Variants in ACTR5 observed in about 807,000 individuals in gnomAD.
ACTR5 encodes the protein actin related protein 5.
Under a neutral mutation model 61.2 loss-of-function variants are expected in ACTR5, and 43 were observed. That is an observed-to-expected ratio of 0.70 (90% confidence interval 0.55 to 0.91). The LOEUF (loss-of-function observed/expected upper bound fraction) is 0.91, where lower values mean the gene tolerates loss of function less well. Ranked by LOEUF, ACTR5 falls within the 40% of genes least tolerant of loss-of-function variation. ACTR5 has a pLI of 0.00. For missense variants in ACTR5, 798 were observed against 782.2 expected (o/e 1.02, Z -0.24); for synonymous variants, 333 against 310.5 (o/e 1.07, Z -0.76).
At chr20:38,756,814 G>C (rs867950577) in intron 5 of ACTR5, among the ~76,000 whole-genome samples, 5 of 152,222 alleles carry the variant, frequency 3.3e-5, no homozygotes, top group Non-Finnish European at 1.5e-5. Context: ...TGAGGCAGGA[G>C]AATCACTTGA....
At chr20:38,761,930 A>G (rs2084457294) in intron 5 of ACTR5, 1 of 152,252 alleles carries the variant, frequency 6.6e-6, no homozygotes, top group African/African-American at 2.4e-5. Flanking sequence ...AAGTAACCAC[A>G]GGATTGCCTA....
chr20:38,764,404 A>G (rs193069312), intron 5 of ACTR5, among the ~76,000 whole-genome samples: 3 of 152,364 alleles, frequency 2.0e-5, no homozygotes, highest in Admixed American at 2.0e-4. Context: ...GTCTAATGAC[A>G]GATGGCTAAA....
At chr20:38,766,434 G>A (rs2145676442) in intron 7 of ACTR5, 57 bp downstream of exon 7, 1 of 1,522,090 alleles carries the variant, frequency 6.6e-7, no homozygotes, top group Non-Finnish European at 8.8e-7. Flanking sequence ...CTTGGATTTT[G>A]CATTGAATGG....
At chr20:38,763,574 T>C (rs2084467600) in intron 5 of ACTR5, among the ~76,000 whole-genome samples, 1 of 152,248 alleles carries the variant, frequency 6.6e-6, no homozygotes, top group South Asian at 2.1e-4. Flanking sequence ...TCATGATTTA[T>C]AGAACTCCAG....
At chr20:38,766,431 T>G in intron 7 of ACTR5, 54 bp downstream of exon 7, 1 of 1,529,048 alleles carries the variant, frequency 6.5e-7, no homozygotes, top group South Asian at 1.3e-5. Context: ...TTCCTTGGAT[T>G]TTGCATTGAA....
chr20:38,752,851 G>C (rs761624042), intron 3 of ACTR5, among the ~76,000 whole-genome samples: 7 of 152,150 alleles, frequency 4.6e-5, no homozygotes, highest in Non-Finnish European at 1.0e-4. Flanking sequence ...GAATGGATTT[G>C]CTTGTTGTCA....
At chr20:38,771,419 C>G in intron 8 of ACTR5, 140 bp from the exon 9 acceptor site, 1 of 1,083,076 alleles carries the variant, frequency 9.2e-7, no homozygotes, top group Non-Finnish European at 1.3e-6. Context: ...GTGGAGCTAG[C>G]CCCGAACTGT....
chr20:38,758,684 T>G (rs1487562271), intron 5 of ACTR5, among the ~76,000 whole-genome samples: 2 of 151,944 alleles, frequency 1.3e-5, no homozygotes, highest in South Asian at 2.1e-4. Context: ...GTCAAAGCTT[T>G]AATGGTTAGT....
intron 1 of ACTR5, 38 bp downstream of exon 1, chr20:38,748,891 G>T: frequency 6.4e-7 from 1 of 1,567,572 alleles, no homozygotes. Context: ...CTGGGTTTGA[G>T]GGGAGGGGTG....
At chr20:38,766,915 T>A (rs1233758576) in intron 7 of ACTR5, among the ~76,000 whole-genome samples, 1 of 152,218 alleles carries the variant, frequency 6.6e-6, no homozygotes, top group Non-Finnish European at 1.5e-5. Flanking sequence ...CAGGGAAACT[T>A]GTACCTAGCA....
rs1450548014 is a variant in ACTR5 at position 38,748,510 on chromosome 20, C to T, written c.32C>T (p.Ala11Val). MAANVFPFRD[A>V]RAAPDPVLEA... ...GCGAACGTGTTCCCGTTCCGCGACGCCCGTGCCGCACCGGACCCAGTGCTG... is the reference window on the plus strand; with the variant it reads ...GCGAACGTGTTCCCGTTCCGCGACGTCCGTGCCGCACCGGACCCAGTGCTG... Residue 11 changes from alanine (A) to valine (V), a missense_variant, in exon 1 of 9, where the codon GCC (alanine) becomes GTC (valine). By Grantham distance (64) the Ala-to-Val change is moderately conservative. Coordinates refer to ENST00000243903, the MANE Select transcript of ACTR5 (RefSeq NM_024855.4). The T allele has an allele frequency of 2.0e-6, 3 of 1,497,060 alleles. No homozygotes were observed. The highest frequency in any genetic ancestry group is 2.7e-6 in the Non-Finnish European group (3 of 1,129,540). 92.7% of individuals were successfully genotyped at this position (1,497,060 alleles called of 1,614,324 possible). A position where few individuals can be genotyped will look rare whatever the true frequency, so the allele number is the denominator to read the frequency against.
At chr20:38,754,737 C>G (rs192844562) in intron 3 of ACTR5, among the ~76,000 whole-genome samples, 25 of 151,782 alleles carry the variant, frequency 1.6e-4, no homozygotes, top group Non-Finnish European at 2.9e-4. Flanking sequence ...CACAGGTGCC[C>G]GCCACCACGC....
intron 8 of ACTR5, 144 bp downstream of exon 8, chr20:38,767,740 G>A: frequency 3.3e-6 from 3 of 902,644 alleles, no homozygotes; most frequent in Non-Finnish European, 4.9e-6. Context: ...AATTTTTAAA[G>A]CAAAATGGGA....
At chr20:38,767,861 C>T (rs981751424) in intron 8 of ACTR5, among the ~76,000 whole-genome samples, 6 of 152,122 alleles carry the variant, frequency 3.9e-5, no homozygotes, top group African/African-American at 1.2e-4. Flanking sequence ...TTCTCCTACC[C>T]AGTCCGGGCC....
At chr20:38,753,873 C>CTTTTTTTTTTTTTTTTTTTT (rs71330446) in intron 3 of ACTR5, among the ~76,000 whole-genome samples, 2 of 116,774 alleles carry the variant, frequency 1.7e-5, no homozygotes, top group African/African-American at 3.4e-5. Flanking sequence ...GTTATTCGAG[C>CTTTTTTTTTTTTTTTTTTTT]TTTTTTTTTT....
intron 4 of ACTR5, among the ~76,000 whole-genome samples, chr20:38,755,590 C>A (rs1183944045): frequency 6.6e-6 from 1 of 151,058 alleles, no homozygotes; most frequent in African/African-American, 2.4e-5. Flanking sequence ...CCTTCACATC[C>A]CCCGCCCCAC....
At chr20:38,750,629 G>C (rs1423748463) in intron 2 of ACTR5, among the ~76,000 whole-genome samples, 4 of 144,654 alleles carry the variant, frequency 2.8e-5, no homozygotes, top group Admixed American at 6.7e-5. Flanking sequence ...TTTTGTTTTT[G>C]TTTGTTTGTT....
Position 38,750,183 on chromosome 20 carries a change from G to A in ACTR5, c.549G>A (p.Gly183=), listed in dbSNP as rs1206416162. 1.9e-6 allele frequency: 3 copies of A among 1,614,214 alleles called. No homozygotes were observed. Among genetic ancestry groups the A allele is most frequent in the Non-Finnish European group, 1.7e-6 (2 of 1,180,046 alleles). The change falls in exon 2 of 9, where the codon GGG becomes GGA. Residue 183 remains glycine, a synonymous_variant. Coordinates refer to ENST00000243903, the MANE Select transcript of ACTR5 (RefSeq NM_024855.4). The stretch of plus-strand genomic sequence containing the variant: ...AGCCAAAGAACTCGATGTGCAGTGG[G>A]CTAATCATTTCATCTGGATACCAGT... ...HNKPKNSMCS[G]LIISSGYQCT...
intron 5 of ACTR5, 26 bp downstream of exon 5, chr20:38,756,065 G>A: frequency 6.3e-7 from 1 of 1,592,808 alleles, no homozygotes; most frequent in Non-Finnish European, 8.5e-7. Context: ...GGAAGGAGCA[G>A]CCCTTCTTGA....
Sources: allele counts gnomAD v4.1 joint callset (sites outside exome capture counted in the v4.1 genomes callset), GRCh38; gene constraint gnomAD v4.1.1; transcripts MANE v1.5; gene names NCBI Gene and HGNC (gene_info 2026-07-23, HGNC 2026-07-21).